Variants in DAGLB observed in about 807,000 individuals in gnomAD.
The protein encoded by DAGLB is diacylglycerol lipase beta.
In DAGLB, 66 loss-of-function variants were observed where a neutral mutation model predicts 72.1. That is an observed-to-expected ratio of 0.92 (90% CI 0.75 to 1.12). The LOEUF is 1.12. Ranked by LOEUF, DAGLB falls within the 50% of genes most tolerant of loss-of-function variation. The pLI, the probability that DAGLB is intolerant of heterozygous loss-of-function variation, is 0.00. For missense variants in DAGLB, 1,065 were observed against 884.9 expected (o/e 1.20, Z -2.58); for synonymous variants, 414 against 359.5 (o/e 1.15, Z -1.71).
rs2115239287 is a variant in DAGLB, at chr7:6,412,969, G to A, written c.1493C>T (p.Pro498Leu). 2 of 1,613,904 alleles carry A rather than the reference G, an allele frequency of 1.2e-6. No individual in the cohort carries two copies. Among genetic ancestry groups the A allele is most frequent in the Non-Finnish European group, 1.7e-6 (2 of 1,179,910 alleles). The change falls in exon 12 of 15, where the codon CCC becomes CTC. Residue 498 changes from proline to leucine, a missense_variant. By Grantham distance (98) the Pro-to-Leu change is moderately conservative. Transcript: ENST00000297056. ...VSLVLGKDVIPRLSVTNLEDL... is the reference protein window; with the variant it reads ...VSLVLGKDVILRLSVTNLEDL... ...GCACAGCACCAGGTGGGCTTACCTG[G>A]GAATCACATCCTTCCCCAGGACGAG...
intron 11 of DAGLB, among the ~76,000 whole-genome samples, chr7:6,414,806 G>T (rs992278259): frequency 6.6e-6 from 1 of 151,710 alleles, no homozygotes; most frequent in African/African-American, 2.4e-5. Flanking sequence ...GTTGATTCCA[G>T]ATATGGACGA....
intron 6 of DAGLB, among the ~76,000 whole-genome samples, chr7:6,428,337 A>C (rs1437852586): frequency 7.2e-6 from 1 of 139,642 alleles, no homozygotes; most frequent in East Asian, 2.1e-4. Flanking sequence ...AAAAAAAAAG[A>C]AAGAAAGAAA....
At position 6,446,072 on chromosome 7, in the gene DAGLB, T is replaced by G. The variant is rs770534367; in HGVS notation, c.128A>C (p.His43Pro). 1.0e-5 allele frequency: 16 copies of G among 1,602,008 alleles called. No homozygotes were observed. In the South Asian group the frequency reaches 1.7e-4, roughly 17 times the overall value. ...ACCAGCACAGTCCAGCTTTCCTCTG[T>G]GCATGAGATACAACGTCAGAATGCC... ...WIGILTLYLM[H>P]RGKLDCAGGA... The change falls in exon 2 of 15, where the codon CAC (histidine) becomes CCC (proline). Residue 43 changes from histidine (H) to proline (P), a missense_variant. Physicochemically the swap from His to Pro is moderately conservative, Grantham distance 77. Transcript: ENST00000297056.
Position 6,432,818 on chromosome 7 carries a change from T to C in DAGLB, c.801+19A>G. 6.2e-7 allele frequency: 1 copy of C among 1,612,028 alleles called. No homozygotes were observed. The highest frequency in any genetic ancestry group is 8.5e-7 in the Non-Finnish European group (1 of 1,179,438). On this transcript the variant is annotated intron_variant, in intron 5 of 14. Transcript: ENST00000297056. ...AGGTGTAAGTGTCAGAACTGGACAC[T>C]CCATGAAGCCAGGCTCACCTGGGAG...
intron 1 of DAGLB, among the ~76,000 whole-genome samples, chr7:6,446,633 T>C (rs186198340): frequency 2.6e-5 from 4 of 152,102 alleles, no homozygotes; most frequent in South Asian, 2.1e-4. Flanking sequence ...TGGCTTCAAG[T>C]GATCTTCCTG....
intron 8 of DAGLB, among the ~76,000 whole-genome samples, chr7:6,424,144 A>C (rs1784225661): frequency 6.6e-6 from 1 of 152,230 alleles, no homozygotes; most frequent in East Asian, 1.9e-4. Context: ...GAGACTGAGG[A>C]GTGGCCAGGA....
At chr7:6,415,940 A>C (rs574839281) in intron 11 of DAGLB, among the ~76,000 whole-genome samples, 2 of 150,982 alleles carry the variant, frequency 1.3e-5, no homozygotes, top group African/African-American at 4.9e-5. Context: ...GCCCCCCGAG[A>C]GGGCGGAGGG....
intron 2 of DAGLB, among the ~76,000 whole-genome samples, chr7:6,439,902 A>G (rs1045970791): frequency 6.6e-5 from 10 of 151,686 alleles, no homozygotes; most frequent in African/African-American, 2.4e-4. Flanking sequence ...AAATACAAAA[A>G]TTAGCCAGGC....
chr7:6,435,849 G>A (rs1415438796), intron 3 of DAGLB, among the ~76,000 whole-genome samples: 5 of 152,186 alleles, frequency 3.3e-5, no homozygotes, highest in Non-Finnish European at 5.9e-5. Context: ...CAACAGCCCA[G>A]GTCTGATTCC....
rs894016845 is a variant in DAGLB at position 6,409,197 on chromosome 7, C to T, written c.*640G>A. 6.5e-6 allele frequency: 1 copy of T among 153,866 alleles called. No homozygotes were observed. The highest frequency in any genetic ancestry group is 2.4e-5 in the African/African-American group (1 of 41,458). The allele number at this position is 153,866 out of a possible 1,614,324, so 9.5% of individuals were successfully genotyped here. On this transcript the variant is annotated 3_prime_UTR_variant, in exon 15 of 15. Coordinates refer to ENST00000297056, the MANE Select transcript of DAGLB (RefSeq NM_139179.4). ...GCCGACCCCAGAGCCAGAAGAGTAG[C>T]AAGAATTCAATCAGCAACTCCTGAT...
At chr7:6,438,400 T>C (rs1784730802) in intron 2 of DAGLB, among the ~76,000 whole-genome samples, 1 of 152,004 alleles carries the variant, frequency 6.6e-6, no homozygotes, top group African/African-American at 2.4e-5. Flanking sequence ...TATTAGGCAC[T>C]AACAGCCTCA....
At chr7:6,430,285 A>ATATATATATATATGT (rs1784444801) in intron 6 of DAGLB, among the ~76,000 whole-genome samples, 195 bp downstream of exon 6, 2 of 98,416 alleles carry the variant, frequency 2.0e-5, no homozygotes, top group Admixed American at 1.1e-4. Flanking sequence ...ATATATATGC[A>ATATATATATATATGT]GGGGGGAGGG....
At chr7:6,417,046 T>G in intron 9 of DAGLB, 125 bp from the exon 10 acceptor site, 2 of 1,086,564 alleles carry the variant, frequency 1.8e-6, no homozygotes, top group South Asian at 2.8e-5. Flanking sequence ...GACTGCAGAA[T>G]CAGCAGCCAC....
chr7:6,443,663 G>C (rs903591996), intron 2 of DAGLB, among the ~76,000 whole-genome samples: 1 of 152,022 alleles, frequency 6.6e-6, no homozygotes, highest in Non-Finnish European at 1.5e-5. Flanking sequence ...TCAAGATCTT[G>C]ATGCCGTCAC....
At chr7:6,440,884 G>A (rs1240260397) in intron 2 of DAGLB, among the ~76,000 whole-genome samples, 11 of 151,854 alleles carry the variant, frequency 7.2e-5, no homozygotes, top group Non-Finnish European at 1.5e-4. Flanking sequence ...CAATCCATCA[G>A]TCAATCAATC....
intron 11 of DAGLB, among the ~76,000 whole-genome samples, chr7:6,413,960 A>G (rs1267244462): frequency 6.6e-6 from 1 of 152,252 alleles, no homozygotes; most frequent in African/African-American, 2.4e-5. Flanking sequence ...AGCCATGGAC[A>G]TAATGGAAAC....
At chr7:6,410,668 A>C (rs896596744) in intron 13 of DAGLB, among the ~76,000 whole-genome samples, 11 of 152,116 alleles carry the variant, frequency 7.2e-5, no homozygotes, top group Admixed American at 6.6e-4. Context: ...ACTGTGAGGG[A>C]TATTTCCCTT....
intron 11 of DAGLB, among the ~76,000 whole-genome samples, chr7:6,413,928 G>A (rs1783818174): frequency 6.6e-6 from 1 of 152,184 alleles, no homozygotes; most frequent in Non-Finnish European, 1.5e-5. Flanking sequence ...AGGAGGAGAG[G>A]AACACAGACA....
chr7:6,425,904 A>G (rs1379842003), intron 7 of DAGLB, 84 bp downstream of exon 7: 102 of 1,578,960 alleles, frequency 6.5e-5, no homozygotes, highest in Non-Finnish European at 8.8e-5. Flanking sequence ...AATTACGGGA[A>G]GAATAATTCA....
Sources: gnomAD v4.1 joint callset for allele counts (sites outside exome capture counted in the v4.1 genomes callset) on GRCh38, gnomAD v4.1.1 for gene constraint, MANE v1.5 for transcripts, NCBI Gene and HGNC (gene_info 2026-07-23, HGNC 2026-07-21) for gene names.